The following ARID3C variants were observed in gnomAD, a reference collection of about 807,000 sequenced individuals.
ARID3C encodes AT-rich interaction domain 3C.
Under a neutral mutation model 37.9 loss-of-function variants are expected in ARID3C, and 42 were observed. The ratio of observed to expected loss-of-function variants is 1.11; its 90% CI spans 0.87 to 1.43. The LOEUF (loss-of-function observed/expected upper bound fraction) is 1.43, where lower values mean the gene tolerates loss of function less well. Among genes scored for constraint, ARID3C ranks in the 40% most tolerant of loss-of-function variants. The pLI, the probability that ARID3C is intolerant of heterozygous loss-of-function variation, is 0.00. For missense variants in ARID3C, 581 were observed against 548.8 expected, an observed-to-expected ratio of 1.06 and a Z score of -0.59; for synonymous variants, 213 against 228.0, an observed-to-expected ratio of 0.93 and a Z score of 0.59.
rs1820577919 is a variant in ARID3C at position 34,622,170 on chromosome 9, G to C, written c.1049-61C>G. ...GAATCAGACTTCTGACTTATTAATA[G>C]AATTTCCCCCCTCCATCCCCGTAGA... On this transcript the variant is annotated intron_variant, in intron 5 of 6. Transcript: ENST00000378909. The C allele has an allele frequency of 2.5e-6, 4 of 1,601,354 alleles. No individual in the cohort carries two copies. The South Asian group carries it at 4.4e-5, about 18-fold the overall frequency.
At chr9:34,626,915 C>G (rs780632172) in intron 1 of ARID3C, among the ~76,000 whole-genome samples, 8 of 152,146 alleles carry the variant, frequency 5.3e-5, no homozygotes, top group Admixed American at 2.0e-4. Flanking sequence ...AATAGCACAC[C>G]TGGAGACACA....
At chr9:34,623,938 T>C (rs1412970291) in exon 3 of ARID3C, 1 of 1,606,246 alleles carries the variant, frequency 6.2e-7, no homozygotes, top group Non-Finnish European at 8.5e-7. Context: ...CCCGCCACAC[T>C]TTGCGGTTGA....
intron 1 of ARID3C, among the ~76,000 whole-genome samples, chr9:34,626,994 C>T (rs1820661231): frequency 6.6e-6 from 1 of 152,136 alleles, no homozygotes; most frequent in East Asian, 1.9e-4. Context: ...GAAGGGTTCT[C>T]CAGGGAGAAA....
chr9:34,627,645 C>G, intron 1 of ARID3C, 52 bp downstream of exon 2: 1 of 1,515,344 alleles, frequency 6.6e-7, no homozygotes, highest in Non-Finnish European at 8.9e-7. Flanking sequence ...TGTGCTTTTG[C>G]CAGAAGAGAG....
At chr9:34,621,344 T>G (rs1587212346), downstream of ARID3C, 2 of 661,858 alleles carry the variant, frequency 3.0e-6, no homozygotes, top group Non-Finnish European at 2.4e-6. Flanking sequence ...GCATGGGAGG[T>G]GTCGTCCCCT....
upstream of ARID3C, among the ~76,000 whole-genome samples, chr9:34,629,256 C>CCTCCAG (rs1198754651): frequency 6.6e-6 from 1 of 152,222 alleles, no homozygotes; most frequent in Non-Finnish European, 1.5e-5. Flanking sequence ...GCTCTACCGC[C>CCTCCAG]ACCGGACTCC....
At chr9:34,623,557 C>A in exon 4 of ARID3C, 1 of 1,600,388 alleles carries the variant, frequency 6.2e-7, no homozygotes, top group Non-Finnish European at 8.5e-7. Flanking sequence ...GGGTCCTGAG[C>A]GCCCCGAGGG....
exon 4 of ARID3C, chr9:34,623,462 A>C: frequency 6.5e-7 from 1 of 1,536,226 alleles, no homozygotes; most frequent in Non-Finnish European, 8.7e-7. Context: ...GAGCGCATGC[A>C]TGCGCTGGCA....
chr9:34,627,012 A>G (rs1409413280), intron 1 of ARID3C, among the ~76,000 whole-genome samples: 1 of 152,196 alleles, frequency 6.6e-6, no homozygotes, highest in Non-Finnish European at 1.5e-5. Flanking sequence ...AAAGAACCTC[A>G]GATTAAGGCC....
intron 5 of ARID3C, 69 bp downstream of exon 6, chr9:34,622,278 A>G (rs528650415): frequency 6.0e-4 from 947 of 1,569,892 alleles, no homozygotes; most frequent in Non-Finnish European, 7.6e-4. Flanking sequence ...TCTAACACCT[A>G]TCAGGTGATG....
At chr9:34,631,144 A>G (rs1019026805), upstream of ARID3C, among the ~76,000 whole-genome samples, 3 of 152,192 alleles carry the variant, frequency 2.0e-5, no homozygotes, top group Non-Finnish European at 4.4e-5. Context: ...GAGGAGGTCC[A>G]TGGACAAAGG....
At chr9:34,621,671 C>A (rs1009961671) in intron 6 of ARID3C, 113 bp from the exon 8 acceptor site, 1 of 775,088 alleles carries the variant, frequency 1.3e-6, no homozygotes, top group African/African-American at 1.8e-5. Flanking sequence ...ACACTACACA[C>A]GTACCCCTGC....
exon 1 of ARID3C, chr9:34,627,831 T>C: frequency 1.2e-6 from 2 of 1,610,732 alleles, no homozygotes. Context: ...TCCTCCCGCT[T>C]CTCCTCATCT....
At chr9:34,623,519 C>T (rs574056651) in exon 4 of ARID3C, 5 of 1,562,094 alleles carry the variant, frequency 3.2e-6, no homozygotes, top group Middle Eastern at 1.7e-4. Flanking sequence ...ACTGGGTCGC[C>T]GGAGGGGCGG....
chr9:34,621,961 C>A, intron 6 of ARID3C, 59 bp downstream of exon 7: 4 of 1,527,906 alleles, frequency 2.6e-6, no homozygotes, highest in Non-Finnish European at 3.6e-6. Context: ...CTAAAATCCC[C>A]ATGCCAGCCT....
chr9:34,625,389 T>C (rs1345345796), intron 2 of ARID3C, among the ~76,000 whole-genome samples: 2 of 152,204 alleles, frequency 1.3e-5, no homozygotes, highest in Non-Finnish European at 2.9e-5. Context: ...AGGTGTCCCC[T>C]GCCTGAATCA....
chr9:34,629,670 C>T (rs572714272), upstream of ARID3C, among the ~76,000 whole-genome samples: 12 of 152,350 alleles, frequency 7.9e-5, no homozygotes, highest in Non-Finnish European at 1.3e-4. Flanking sequence ...GCACACTCAC[C>T]GCATGCAGAT....
At chr9:34,630,263 A>G (rs1198669752), upstream of ARID3C, among the ~76,000 whole-genome samples, 1 of 152,036 alleles carries the variant, frequency 6.6e-6, no homozygotes, top group Non-Finnish European at 1.5e-5. Context: ...TATTCCCAAG[A>G]CGCTGAAATG....
upstream of ARID3C, among the ~76,000 whole-genome samples, chr9:34,630,908 T>C (rs981864229): frequency 6.6e-6 from 1 of 152,060 alleles, no homozygotes. Context: ...TACTGATGCC[T>C]CCTCCCCCAT....
Sources: gnomAD v4.1 joint callset for allele counts (sites outside exome capture counted in the v4.1 genomes callset) on GRCh38, gnomAD v4.1.1 for gene constraint, MANE v1.5 for transcripts, NCBI Gene and HGNC (gene_info 2026-07-23, HGNC 2026-07-21) for gene names.